The following ENPP2 variants were observed in gnomAD, a reference collection of about 807,000 sequenced individuals.
The protein encoded by ENPP2 is autotaxin.
In ENPP2, 51 loss-of-function variants were observed where a neutral mutation model predicts 120.2. That is an observed-to-expected ratio of 0.42 (90% confidence interval 0.34 to 0.54). The LOEUF is 0.54. Ranked by LOEUF, ENPP2 falls within the 20% of genes least tolerant of loss-of-function variation. The pLI, the probability that ENPP2 is intolerant of heterozygous loss-of-function variation, is 0.04. For missense variants in ENPP2, 920 were observed against 1,066.5 expected, an observed-to-expected ratio of 0.86 and a Z score of 1.91; for synonymous variants, 365 against 366.4, an observed-to-expected ratio of 1.00 and a Z score of 0.04.
chr8:119,608,032 G>A, intron 8 of ENPP2, 55 bp from the exon 9 acceptor site: 3 of 1,312,624 alleles, frequency 2.3e-6, no homozygotes, highest in Non-Finnish European at 3.2e-6. Context: ...TGTCAAAGAA[G>A]AAAAAGTTTT....
intron 1 of ENPP2, among the ~76,000 whole-genome samples, chr8:119,670,102 C>T (rs1313964007): frequency 6.6e-5 from 10 of 152,152 alleles, no homozygotes; most frequent in Admixed American, 6.6e-4. Context: ...AAGAGGATTC[C>T]TTTGCCTTCA....
chr8:119,598,868 C>A (rs532391618), intron 11 of ENPP2, among the ~76,000 whole-genome samples: 1 of 152,248 alleles, frequency 6.6e-6, no homozygotes, highest in African/African-American at 2.4e-5. Context: ...CCCTTAGCAG[C>A]CAAGCGAAAG....
Position 119,638,528 on chromosome 8 carries a change from C to T in ENPP2, c.34-1G>A. On this transcript the variant is annotated splice_acceptor_variant, in intron 1 of 24. Coordinates refer to ENST00000075322, the MANE Select transcript of ENPP2 (RefSeq NM_001040092.3). LOFTEE classifies it high-confidence loss of function. ...CGGCAAAAGTGAACAGGGATATTAT[C>T]TAAGAGAATAAAGAGACCAAGTTGT... is the stretch of plus-strand genomic sequence containing the variant. The T allele has an allele frequency of 6.4e-7, 1 of 1,552,190 alleles. No individual in the cohort carries two copies. Among genetic ancestry groups the T allele is most frequent in the Non-Finnish European group, 8.9e-7 (1 of 1,123,506 alleles).
chr8:119,585,177 A>G (rs1992721), intron 15 of ENPP2, among the ~76,000 whole-genome samples: 44,744 of 152,004 alleles, frequency 0.29, 7,430 homozygotes, highest in South Asian at 0.49. Context: ...TTTCAGTCAC[A>G]TCCCAATTAA....
chr8:119,627,309 T>A (rs993171422), intron 2 of ENPP2, among the ~76,000 whole-genome samples: 1 of 152,090 alleles, frequency 6.6e-6, no homozygotes, highest in African/African-American at 2.4e-5. Flanking sequence ...AACTCCTCCA[T>A]CAATATTTTC....
chr8:119,590,400 C>T, intron 13 of ENPP2, 105 bp downstream of exon 13: 1 of 870,380 alleles, frequency 1.1e-6, no homozygotes, highest in Non-Finnish European at 1.7e-6. Context: ...TAAGCGGTAG[C>T]AGAGCCAGAA....
chr8:119,613,578 A>G (rs1014336289), intron 8 of ENPP2, among the ~76,000 whole-genome samples: 1 of 152,178 alleles, frequency 6.6e-6, no homozygotes, highest in Non-Finnish European at 1.5e-5. Context: ...TGTATAAAAA[A>G]TTATAAGACT....
chr8:119,665,462 C>T (rs1031956664), intron 1 of ENPP2, among the ~76,000 whole-genome samples: 3 of 152,198 alleles, frequency 2.0e-5, no homozygotes, highest in Non-Finnish European at 2.9e-5. Context: ...CCTCTTTTCA[C>T]AGAAATGCCT....
intron 19 of ENPP2, chr8:119,571,553 T>C (rs923349630): frequency 6.6e-6 from 1 of 152,194 alleles, no homozygotes; most frequent in African/African-American, 2.4e-5. Context: ...AGCTTTACTC[T>C]TTGCGGAAGA....
At chr8:119,621,355 AT>A in intron 4 of ENPP2, 38 bp downstream of exon 4, 1 of 1,604,742 alleles carries the variant, frequency 6.2e-7, no homozygotes. Context: ...TCCAGTTTTT[AT>A]TCTTTTAAAG....
exon 1 of ENPP2, chr8:119,673,326 G>A: frequency 6.5e-7 from 1 of 1,532,668 alleles, no homozygotes; most frequent in Admixed American, 2.0e-5. Context: ...CGCGGCCTGG[G>A]CTGCAGCCCC....
intron 8 of ENPP2, among the ~76,000 whole-genome samples, chr8:119,614,965 T>C (rs1052942978): frequency 6.6e-6 from 1 of 152,184 alleles, no homozygotes; most frequent in East Asian, 1.9e-4. Flanking sequence ...AAGAAGTCTT[T>C]CAATGTTTAT....
chr8:119,646,953 C>G (rs992970473), intron 1 of ENPP2, among the ~76,000 whole-genome samples: 1 of 151,858 alleles, frequency 6.6e-6, no homozygotes, highest in Non-Finnish European at 1.5e-5. Context: ...CATCTTCACA[C>G]AGAACAACAA....
chr8:119,663,268 G>A (rs1213190468), intron 1 of ENPP2, among the ~76,000 whole-genome samples: 2 of 152,184 alleles, frequency 1.3e-5, no homozygotes, highest in Non-Finnish European at 2.9e-5. Context: ...TTAACACATT[G>A]TCAGTAACCT....
chr8:119,608,958 CT>C (rs1365950570), intron 8 of ENPP2, among the ~76,000 whole-genome samples: 6 of 152,136 alleles, frequency 3.9e-5, no homozygotes, highest in African/African-American at 1.4e-4. Flanking sequence ...GAACAGAAGT[CT>C]ATGAGAAGAA....
At chr8:119,665,450 C>A (rs969109132) in intron 1 of ENPP2, among the ~76,000 whole-genome samples, 2 of 152,188 alleles carry the variant, frequency 1.3e-5, no homozygotes, top group Non-Finnish European at 2.9e-5. Flanking sequence ...CAGTGCAATG[C>A]CCCTCTTTTC....
intron 9 of ENPP2, among the ~76,000 whole-genome samples, chr8:119,605,466 A>AT (rs1276076880): frequency 0.026 from 1,704 of 65,874 alleles, 55 homozygotes; most frequent in East Asian, 0.18. Context: ...GTGTGTGTGT[A>AT]TTTTTTTTTT....
chr8:119,584,138 G>C (rs1294009570), intron 15 of ENPP2, 89 bp from the exon 16 acceptor site: 1 of 842,302 alleles, frequency 1.2e-6, no homozygotes, highest in Non-Finnish European at 2.0e-6. Context: ...GAATATCTAA[G>C]AAGGGGCTTT....
Position 119,590,198 on chromosome 8 carries a change from C to CA in ENPP2, c.1207+306dup, listed in dbSNP as rs1813399758. On this transcript the variant is annotated intron_variant, in intron 13 of 24. Coordinates refer to ENST00000075322, the MANE Select transcript of ENPP2 (RefSeq NM_001040092.3). ...TCTGTTTATGGTCATGAATATGCTT[C>CA]AAACTAAGTGCAATTTCCACATAAT... Among the ~76,000 whole-genome samples the CA allele has an allele frequency of 2.0e-5, 3 of 152,150 alleles. No individual in the cohort carries two copies. The South Asian group carries it at 6.2e-4, about 32-fold the overall frequency.
Sources: allele counts gnomAD v4.1 joint callset (sites outside exome capture counted in the v4.1 genomes callset), GRCh38; gene constraint gnomAD v4.1.1; transcripts MANE v1.5; gene names NCBI Gene and HGNC (gene_info 2026-07-23, HGNC 2026-07-21).